The following AOPEP variants were observed in gnomAD, a reference collection of about 807,000 sequenced individuals.
AOPEP encodes aminopeptidase O.
Under a neutral mutation model 98.1 loss-of-function variants are expected in AOPEP, and 77 were observed. The observed-to-expected ratio is 0.78, with a 90% CI of 0.65 to 0.95. The LOEUF (loss-of-function observed/expected upper bound fraction) is 0.95, where lower values mean the gene tolerates loss of function less well. AOPEP is among the 40% of genes least tolerant of loss of function. The probability of loss-of-function intolerance (pLI) is 0.00; values close to 1 mark genes in which losing one functional copy is unlikely to be tolerated. For missense variants in AOPEP, 1,024 were observed against 1,024.7 expected, an observed-to-expected ratio of 1.00 and a Z score of 0.01; for synonymous variants, 346 against 365.3, an observed-to-expected ratio of 0.95 and a Z score of 0.60.
intron 13 of AOPEP, among the ~76,000 whole-genome samples, chr9:95,059,527 A>G (rs1183085735): frequency 2.3e-5 from 3 of 132,878 alleles, no homozygotes. Context: ...GTGTGTGTGA[A>G]TGAGTGAGGG....
At chr9:95,040,015 G>T (rs1348950910) in intron 13 of AOPEP, among the ~76,000 whole-genome samples, 6 of 152,194 alleles carry the variant, frequency 3.9e-5, no homozygotes. Flanking sequence ...TAGCATTGGG[G>T]CATTGAGGAG....
intron 7 of AOPEP, among the ~76,000 whole-genome samples, chr9:94,934,315 C>CTTTTTTTTTTTTTTTTTTTTTTTTTTTT (rs974551445): frequency 1.7e-5 from 2 of 116,742 alleles, no homozygotes; most frequent in African/African-American, 7.9e-5. Flanking sequence ...CTTCTCCCAT[C>CTTTTTTTTTTTTTTTTTTTTTTTTTTTT]TTTTTTTTTT....
At chr9:95,111,376 C>T in the AOPEP span, 1 of 1,597,622 alleles carries the variant, frequency 6.3e-7, no homozygotes, top group African/African-American at 1.3e-5. Flanking sequence ...TCATGGAAGC[C>T]AAGCCCACAA....
At chr9:94,837,845 T>C (rs984624231) in intron 5 of AOPEP, among the ~76,000 whole-genome samples, 1 of 152,176 alleles carries the variant, frequency 6.6e-6, no homozygotes, top group African/African-American at 2.4e-5. Flanking sequence ...CTCTGAGAAC[T>C]GAAATAAGAT....
chr9:94,742,055 C>A (rs1022180389), intron 1 of AOPEP, among the ~76,000 whole-genome samples: 2 of 152,096 alleles, frequency 1.3e-5, no homozygotes, highest in East Asian at 3.8e-4. Flanking sequence ...TGGAAGTATT[C>A]AAAAATAGCA....
chr9:95,123,506 G>C, the AOPEP span: 7 of 479,700 alleles, frequency 1.5e-5, no homozygotes, highest in South Asian at 1.0e-4. Context: ...GCTTCCTCCA[G>C]TCCGTGCCTC....
intron 5 of AOPEP, among the ~76,000 whole-genome samples, chr9:94,860,323 C>T (rs991460298): frequency 4.0e-5 from 6 of 149,244 alleles, no homozygotes; most frequent in Admixed American, 1.3e-4. Flanking sequence ...GGCGTCAGAC[C>T]AAGCAGGGCC....
intron 5 of AOPEP, among the ~76,000 whole-genome samples, chr9:94,857,959 A>G (rs940227310): frequency 6.6e-6 from 1 of 151,868 alleles, no homozygotes; most frequent in African/African-American, 2.4e-5. Flanking sequence ...CACTGCGTAC[A>G]CTGGCGTACC....
intron 14 of AOPEP, among the ~76,000 whole-genome samples, chr9:95,063,567 T>C (rs1254463058): frequency 2.0e-5 from 3 of 152,184 alleles, no homozygotes; most frequent in African/African-American, 7.2e-5. Context: ...CCCCCTGTGT[T>C]GTTTTGCTGG....
At chr9:94,927,966 C>T (rs1411046745) in intron 6 of AOPEP, among the ~76,000 whole-genome samples, 1 of 152,178 alleles carries the variant, frequency 6.6e-6, no homozygotes, top group African/African-American at 2.4e-5. Context: ...GTTATGTGCA[C>T]ACAGAATCAT....
chr9:95,005,484 G>A, intron 12 of AOPEP, 58 bp from the exon 13 acceptor site: 1 of 1,493,654 alleles, frequency 6.7e-7, no homozygotes, highest in South Asian at 1.1e-5. Context: ...CTCGCGCTGG[G>A]GGATGGCCGT....
At chr9:94,747,642 G>T (rs1032461039) in intron 1 of AOPEP, among the ~76,000 whole-genome samples, 7 of 152,204 alleles carry the variant, frequency 4.6e-5, no homozygotes, top group African/African-American at 1.7e-4. Flanking sequence ...CAGAGATAAT[G>T]GTGGTCATTA....
At chr9:94,846,109 A>AT (rs2042834907) in intron 5 of AOPEP, among the ~76,000 whole-genome samples, 2 of 152,148 alleles carry the variant, frequency 1.3e-5, no homozygotes, top group South Asian at 4.1e-4. Context: ...AAAAAAAAAA[A>AT]AATTTGAGTC....
chr9:95,107,346 T>C, the AOPEP span: 2 of 1,490,838 alleles, frequency 1.3e-6, no homozygotes, highest in Middle Eastern at 2.3e-4. Context: ...TTTATTTGCT[T>C]TGAAACAACC....
At chr9:94,753,363 A>G (rs891454628) in intron 1 of AOPEP, among the ~76,000 whole-genome samples, 4 of 152,240 alleles carry the variant, frequency 2.6e-5, no homozygotes, top group Non-Finnish European at 4.4e-5. Flanking sequence ...AATAGCAACA[A>G]TAATATGGAA....
At chr9:95,142,963 C>T in the AOPEP span, among the ~76,000 whole-genome samples, 1 of 152,176 alleles carries the variant, frequency 6.6e-6, no homozygotes, top group African/African-American at 2.4e-5. Flanking sequence ...AGCACACACC[C>T]CACAGGTTAA....
intron 1 of AOPEP, among the ~76,000 whole-genome samples, chr9:94,756,293 A>T (rs1225546859): frequency 6.9e-6 from 1 of 144,696 alleles, no homozygotes. Context: ...CTTAGGTGTG[A>T]TGGCTCACAC....
intron 14 of AOPEP, among the ~76,000 whole-genome samples, chr9:95,069,807 G>A (rs1407309866): frequency 2.6e-5 from 4 of 152,236 alleles, no homozygotes; most frequent in Admixed American, 2.6e-4. Context: ...CATTGCTGCT[G>A]CTTTAGCTCT....
chr9:94,745,325 G>A (rs1834220443), intron 1 of AOPEP, among the ~76,000 whole-genome samples: 1 of 150,444 alleles, frequency 6.6e-6, no homozygotes, highest in Non-Finnish European at 1.5e-5. Flanking sequence ...CGCCTAGGCT[G>A]GAGTGCAATG....
Sources: gnomAD v4.1 joint callset for allele counts (sites outside exome capture counted in the v4.1 genomes callset) on GRCh38, gnomAD v4.1.1 for gene constraint, MANE v1.5 for transcripts, NCBI Gene and HGNC (gene_info 2026-07-23, HGNC 2026-07-21) for gene names.